The following NTM variants were observed in gnomAD, a reference collection of about 807,000 sequenced individuals.
NTM encodes the protein neurotrimin, also known as IgLON family member 2.
NTM carries 13 observed loss-of-function variants against 42.1 expected under a neutral mutation model. The observed-to-expected ratio is 0.31, with a 90% CI of 0.20 to 0.49. The LOEUF (loss-of-function observed/expected upper bound fraction) is 0.49. Among genes scored for constraint, NTM ranks in the 20% least tolerant of loss-of-function variants. The probability of loss-of-function intolerance (pLI) is 0.99; values close to 1 mark genes in which losing one functional copy is unlikely to be tolerated. For synonymous variants in NTM, 187 were observed against 179.2 expected, an observed-to-expected ratio of 1.04 and a Z score of -0.35; for missense variants, 373 against 452.8, an observed-to-expected ratio of 0.82 and a Z score of 1.60.
intron 2 of NTM, among the ~76,000 whole-genome samples, chr11:131,995,219 C>T (rs2135178928): frequency 6.6e-6 from 1 of 152,242 alleles, no homozygotes; most frequent in African/African-American, 2.4e-5. Context: ...TCTTCTTTAC[C>T]TGTTTTCAAT....
intron 2 of NTM, among the ~76,000 whole-genome samples, chr11:132,128,953 A>AG: frequency 7.4e-6 from 1 of 135,024 alleles, no homozygotes; most frequent in Non-Finnish European, 1.6e-5. Context: ...AAAAAAAAAA[A>AG]AAAAAAAAAA....
At chr11:132,161,246 C>A (rs1487576171) in intron 3 of NTM, among the ~76,000 whole-genome samples, 1 of 152,080 alleles carries the variant, frequency 6.6e-6, no homozygotes, top group East Asian at 1.9e-4. Context: ...GAGTGCAGCA[C>A]CCTGTTTAGA....
chr11:132,153,646 G>A (rs890024396), intron 3 of NTM, among the ~76,000 whole-genome samples: 8 of 152,126 alleles, frequency 5.3e-5, no homozygotes, highest in South Asian at 2.1e-4. Context: ...ATTAAAATGC[G>A]TAGCTTCTTA....
At chr11:131,505,230 T>A (rs1339841769) in intron 1 of NTM, among the ~76,000 whole-genome samples, 1 of 152,170 alleles carries the variant, frequency 6.6e-6, no homozygotes, top group Non-Finnish European at 1.5e-5. Context: ...GATTTAAAAA[T>A]GCTCTTTAAT....
chr11:131,792,361 G>A (rs957174891), intron 1 of NTM, among the ~76,000 whole-genome samples: 1 of 151,888 alleles, frequency 6.6e-6, no homozygotes, highest in Non-Finnish European at 1.5e-5. Context: ...TCCTTTGCCT[G>A]CAGTGCCTGC....
intron 1 of NTM, chr11:131,661,121 T>G (rs2658857): frequency 0.84 from 902,617 of 1,070,314 alleles, 381,304 homozygotes; most frequent in East Asian, 0.89. Flanking sequence ...TCGGTGGAGA[T>G]TCCTTTCCTC....
At chr11:131,611,144 T>G (rs1188547150) in intron 1 of NTM, among the ~76,000 whole-genome samples, 1 of 152,112 alleles carries the variant, frequency 6.6e-6, no homozygotes, top group African/African-American at 2.4e-5. Context: ...GAAGCTGAAG[T>G]GACGCTTTGG....
chr11:131,950,353 C>T (rs2060838812), intron 2 of NTM, among the ~76,000 whole-genome samples: 1 of 152,198 alleles, frequency 6.6e-6, no homozygotes, highest in Non-Finnish European at 1.5e-5. Context: ...TCTGGGCATC[C>T]AGCATACTGG....
intron 1 of NTM, among the ~76,000 whole-genome samples, chr11:131,464,074 CCT>C (rs990053977): frequency 4.6e-5 from 7 of 152,298 alleles, no homozygotes; most frequent in East Asian, 1.9e-4. Context: ...CCGCGAGTTT[CCT>C]CTCTCTGGAG....
chr11:132,144,428 A>G lies in NTM; in HGVS notation c.168-1854A>G, dbSNP rs558396037. On this transcript the variant is annotated intron_variant, in intron 2 of 8. Transcript: ENST00000683400. ...TTCCATAGAAATCTGTGGTTGGTTTAAGGCTGTGTTCTCACCACCTTGAAA... is the reference window on the plus strand; with the variant it reads ...TTCCATAGAAATCTGTGGTTGGTTTGAGGCTGTGTTCTCACCACCTTGAAA... 4.1e-4 allele frequency among the ~76,000 whole-genome samples: 63 copies of G among 152,318 alleles called. 1 individual carries two copies. The East Asian group carries it at 0.012, about 29-fold the overall frequency.
chr11:131,800,932 T>C (rs2092052588), intron 1 of NTM, among the ~76,000 whole-genome samples: 2 of 152,196 alleles, frequency 1.3e-5, no homozygotes, highest in African/African-American at 4.8e-5. Flanking sequence ...TTTGAATTAA[T>C]AGTAGGACGT....
chr11:132,327,267 C>T (rs915532069), intron 7 of NTM, among the ~76,000 whole-genome samples: 1 of 152,140 alleles, frequency 6.6e-6, no homozygotes, highest in Non-Finnish European at 1.5e-5. Flanking sequence ...TCTTTTATCT[C>T]CTGGGCATTA....
intron 2 of NTM, among the ~76,000 whole-genome samples, chr11:131,966,777 C>G (rs2062888273): frequency 6.6e-6 from 1 of 152,228 alleles, no homozygotes; most frequent in South Asian, 2.1e-4. Flanking sequence ...TGGCTTTGAG[C>G]AGGGTAGGGG....
intron 1 of NTM, among the ~76,000 whole-genome samples, chr11:131,766,756 G>A (rs913340180): frequency 1.1e-4 from 16 of 152,230 alleles, no homozygotes; most frequent in East Asian, 3.9e-4. Flanking sequence ...ATAGCAAGGC[G>A]TTCTCTCTCC....
intron 2 of NTM, among the ~76,000 whole-genome samples, chr11:132,028,445 T>C (rs2075482762): frequency 6.6e-6 from 1 of 152,200 alleles, no homozygotes; most frequent in Non-Finnish European, 1.5e-5. Context: ...TTCTTGTTTT[T>C]GATTTCCCTG....
chr11:131,813,391 T>G (rs1321131646), intron 1 of NTM, among the ~76,000 whole-genome samples: 1 of 152,158 alleles, frequency 6.6e-6, no homozygotes, highest in Non-Finnish European at 1.5e-5. Context: ...AATATGAGAT[T>G]CCTTCTCATA....
chr11:132,161,336 T>C (rs1006111941), intron 3 of NTM, among the ~76,000 whole-genome samples: 2 of 150,918 alleles, frequency 1.3e-5, no homozygotes, highest in Admixed American at 6.6e-5. Flanking sequence ...CACCTAGCTC[T>C]TGGAGGCTGT....
intron 1 of NTM, among the ~76,000 whole-genome samples, chr11:131,817,224 C>A (rs1200795933): frequency 2.0e-5 from 3 of 152,184 alleles, no homozygotes; most frequent in Admixed American, 2.0e-4. Flanking sequence ...CTAAAAGGCT[C>A]AAGCATATCA....
intron 1 of NTM, among the ~76,000 whole-genome samples, chr11:131,851,336 A>T (rs1460855667): frequency 6.6e-6 from 1 of 152,148 alleles, no homozygotes; most frequent in Admixed American, 6.5e-5. Context: ...TTTCAGGTAT[A>T]AAGCTGAAAC....
Sources: allele counts gnomAD v4.1 joint callset (sites outside exome capture counted in the v4.1 genomes callset), GRCh38; gene constraint gnomAD v4.1.1; transcripts MANE v1.5; gene names NCBI Gene and HGNC (gene_info 2026-07-23, HGNC 2026-07-21).